ME3: variants seen among roughly 807,000 people sequenced by gnomAD.
ME3 encodes NADP-dependent malic enzyme, mitochondrial.
Under a neutral mutation model 68.9 loss-of-function variants are expected in ME3, and 48 were observed. The ratio of observed to expected loss-of-function variants is 0.70; its 90% CI spans 0.55 to 0.89. The LOEUF is 0.89. Ranked by LOEUF, ME3 falls within the 40% of genes least tolerant of loss-of-function variation. The pLI is 0.00. For synonymous variants in ME3, 320 were observed against 318.8 expected (o/e 1.00, Z -0.04); for missense variants, 675 against 797.4 (o/e 0.85, Z 1.85).
rs188643498 is a variant in ME3, at chr11:86,650,513, G to C, written c.183+21249C>G. Among the ~76,000 whole-genome samples, 85 of 152,300 alleles carry C rather than the reference G, an allele frequency of 5.6e-4. 1 individual carries two copies. Among genetic ancestry groups the C allele is most frequent in the Middle Eastern group, 3.4e-3 (1 of 294 alleles). Reference sequence around the variant, plus strand: ...CAGCAAAAGAAACTAGCATCAGAGTGAGCAGGCAACCTACAGAATGGGAGA... The same window carrying C: ...CAGCAAAAGAAACTAGCATCAGAGTCAGCAGGCAACCTACAGAATGGGAGA... On this transcript the variant is annotated intron_variant, in intron 2 of 14. Transcript: ENST00000543262.
At chr11:86,446,250 A>G (rs1593985274) in intron 13 of ME3, 64 bp downstream of exon 13, 4 of 1,565,828 alleles carry the variant, frequency 2.6e-6, no homozygotes, top group Non-Finnish European at 3.5e-6. Flanking sequence ...GAGATCTGGT[A>G]TAGGACCCAG....
rs1957097074 is a variant in ME3 at position 86,559,557 on chromosome 11, G to T, written c.317+133C>A. 5.5e-6 allele frequency: 6 copies of T among 1,096,002 alleles called. No individual in the cohort carries two copies. The South Asian group carries it at 1.2e-4, about 22-fold the overall frequency. The allele number at this position is 1,096,002 out of a possible 1,614,324, so 67.9% of individuals were successfully genotyped here. ...AGACCATGAATCCTTTAGAAGGTAG[G>T]GCTGAGTCTGGGATCTCTTTGGGCT... is the stretch of plus-strand genomic sequence containing the variant. On this transcript the variant is annotated intron_variant, in intron 3 of 14. Coordinates refer to ENST00000543262, the Ensembl canonical transcript of ME3.
chr11:86,581,104 G>A (rs76712692), intron 2 of ME3, among the ~76,000 whole-genome samples: 5 of 152,170 alleles, frequency 3.3e-5, no homozygotes, highest in African/African-American at 7.2e-5. Flanking sequence ...AACTCTGGCC[G>A]TGAAATAGTA....
intron 2 of ME3, among the ~76,000 whole-genome samples, chr11:86,590,362 G>A (rs1394833466): frequency 6.6e-6 from 1 of 152,162 alleles, no homozygotes; most frequent in Admixed American, 6.5e-5. Flanking sequence ...TTAAGAGAAT[G>A]ATACAATTCA....
chr11:86,490,920 C>CA (rs1951966603), intron 6 of ME3, among the ~76,000 whole-genome samples: 1 of 151,992 alleles, frequency 6.6e-6, no homozygotes, highest in Non-Finnish European at 1.5e-5. Flanking sequence ...TTTAGATTTT[C>CA]AAAAAATTTC....
intron 8 of ME3, among the ~76,000 whole-genome samples, chr11:86,454,786 C>G (rs368133289): frequency 1.7e-3 from 266 of 152,336 alleles, no homozygotes; most frequent in African/African-American, 5.7e-3. Context: ...TTATCACACA[C>G]ATAGAATCCA....
chr11:86,477,775 C>G (rs1490397105), intron 7 of ME3, among the ~76,000 whole-genome samples: 1 of 152,070 alleles, frequency 6.6e-6, no homozygotes, highest in Non-Finnish European at 1.5e-5. Context: ...ATTATGCAGT[C>G]TGCTTGGTGC....
intron 2 of ME3, among the ~76,000 whole-genome samples, chr11:86,640,611 A>T (rs1944608240): frequency 6.6e-6 from 1 of 152,226 alleles, no homozygotes; most frequent in Admixed American, 6.5e-5. Context: ...GCACCTAAAC[A>T]ATAATGCCCA....
intron 2 of ME3, among the ~76,000 whole-genome samples, chr11:86,617,052 T>TTTTTG (rs1943016623): frequency 7.6e-5 from 5 of 65,736 alleles, no homozygotes; most frequent in Non-Finnish European, 1.6e-4. Context: ...GTAGTTTTTT[T>TTTTTG]TTTTTTTTTT....
At position 86,600,932 on chromosome 11, in the gene ME3, C is replaced by A. The variant is rs1369984412; in HGVS notation, c.184-41109G>T. Among the ~76,000 whole-genome samples, 21 of 150,648 alleles carry A rather than the reference C, an allele frequency of 1.4e-4. No homozygotes were observed. The East Asian group carries it at 3.7e-3, about 27-fold the overall frequency. On this transcript the variant is annotated intron_variant, in intron 2 of 14. Coordinates refer to ENST00000543262, the Ensembl canonical transcript of ME3. ...GAACAAAGACACAACATACCAGAAT[C>A]TCTGGGACACATTCAAAGCAGTGTG...
At chr11:86,495,940 A>T (rs959659644) in intron 6 of ME3, among the ~76,000 whole-genome samples, 1 of 152,156 alleles carries the variant, frequency 6.6e-6, no homozygotes, top group Non-Finnish European at 1.5e-5. Context: ...CAAGGTCCCA[A>T]TCCAATAGTT....
chr11:86,613,250 T>G (rs1942721667), intron 2 of ME3, among the ~76,000 whole-genome samples: 2 of 152,208 alleles, frequency 1.3e-5, no homozygotes, highest in Non-Finnish European at 2.9e-5. Flanking sequence ...GTCTCTGTTC[T>G]GTTCCATTGA....
intron 6 of ME3, among the ~76,000 whole-genome samples, chr11:86,496,803 T>C (rs1029534859): frequency 1.3e-5 from 2 of 151,890 alleles, no homozygotes; most frequent in African/African-American, 2.4e-5. Context: ...AGAAAACTCA[T>C]GACAGATAAT....
chr11:86,490,888 TC>T (rs1951964304), intron 6 of ME3, among the ~76,000 whole-genome samples: 1 of 152,024 alleles, frequency 6.6e-6, no homozygotes, highest in Admixed American at 6.6e-5. Flanking sequence ...TAAGTTAAGT[TC>T]CCCAGTGGCA....
downstream of ME3, among the ~76,000 whole-genome samples, chr11:86,440,852 C>G (rs1274836954): frequency 1.3e-5 from 2 of 152,182 alleles, no homozygotes; most frequent in Admixed American, 6.5e-5. Context: ...TCTTACATTT[C>G]CATAGGAAGT....
chr11:86,510,364 T>G (rs1953426631), intron 4 of ME3, among the ~76,000 whole-genome samples: 1 of 152,220 alleles, frequency 6.6e-6, no homozygotes, highest in South Asian at 2.1e-4. Context: ...TTCTTTGAGT[T>G]TTCCTCCTAC....
chr11:86,510,393 C>T (rs1953428911), intron 4 of ME3, among the ~76,000 whole-genome samples: 1 of 152,174 alleles, frequency 6.6e-6, no homozygotes, highest in East Asian at 1.9e-4. Flanking sequence ...GGCTCCTTCT[C>T]AGTCTCTTAT....
chr11:86,641,876 T>C (rs1180513387), intron 2 of ME3, among the ~76,000 whole-genome samples: 1 of 152,012 alleles, frequency 6.6e-6, no homozygotes, highest in Non-Finnish European at 1.5e-5. Context: ...ACTTCACCTC[T>C]TTTTTTAAAA....
chr11:86,640,279 G>C (rs1157432937), intron 2 of ME3, among the ~76,000 whole-genome samples: 1 of 152,202 alleles, frequency 6.6e-6, no homozygotes, highest in Non-Finnish European at 1.5e-5. Flanking sequence ...GAACACGTTA[G>C]CTTCTAGCAC....
Sources: gnomAD v4.1 joint callset for allele counts (sites outside exome capture counted in the v4.1 genomes callset) on GRCh38, gnomAD v4.1.1 for gene constraint, MANE v1.5 for transcripts, NCBI Gene and HGNC (gene_info 2026-07-23, HGNC 2026-07-21) for gene names.